The following ELAPOR1 variants were observed in gnomAD, a reference collection of about 807,000 sequenced individuals.
The protein encoded by ELAPOR1 is endosome/lysosome-associated apoptosis and autophagy regulator 1.
ELAPOR1 carries 77 observed loss-of-function variants against 119.7 expected under a neutral mutation model. The ratio of observed to expected loss-of-function variants is 0.64; its 90% confidence interval spans 0.54 to 0.78. ELAPOR1 has a LOEUF of 0.78. ELAPOR1 is among the 30% of genes least tolerant of loss of function. The pLI, the probability that ELAPOR1 is intolerant of heterozygous loss-of-function variation, is 0.00. For synonymous variants in ELAPOR1, 481 were observed against 487.2 expected, an observed-to-expected ratio of 0.99 and a Z score of 0.17; for missense variants, 1,115 against 1,270.4, an observed-to-expected ratio of 0.88 and a Z score of 1.86.
At chr1:109,158,891 CTTT>C (rs543781555) in intron 1 of ELAPOR1, among the ~76,000 whole-genome samples, 6 of 128,720 alleles carry the variant, frequency 4.7e-5, no homozygotes, top group Non-Finnish European at 5.0e-5. Flanking sequence ...AAGCTTATGT[CTTT>C]TTTTTTTTTT....
chr1:109,165,248 C>T (rs901575759), intron 3 of ELAPOR1, among the ~76,000 whole-genome samples: 5 of 152,040 alleles, frequency 3.3e-5, no homozygotes, highest in African/African-American at 9.7e-5. Context: ...GCTATGACCG[C>T]ACCACTGTAC....
intron 1 of ELAPOR1, among the ~76,000 whole-genome samples, chr1:109,139,986 C>T (rs550438043): frequency 2.0e-5 from 3 of 152,190 alleles, no homozygotes; most frequent in East Asian, 1.9e-4. Flanking sequence ...TGGTCTCGAA[C>T]TCCTGAGCTC....
At chr1:109,136,859 C>T (rs1033770682) in intron 1 of ELAPOR1, among the ~76,000 whole-genome samples, 2 of 152,194 alleles carry the variant, frequency 1.3e-5, no homozygotes, top group African/African-American at 4.8e-5. Flanking sequence ...GTCACAGACA[C>T]ACGTGAGTCA....
At chr1:109,201,000 C>T (rs3736956) in intron 21 of ELAPOR1, 100 bp downstream of exon 21, 577,754 of 1,128,132 alleles carry the variant, frequency 0.51, 154,414 homozygotes, top group Non-Finnish European at 0.55. Flanking sequence ...GGATGGGCAC[C>T]CTGCTCCCCA....
Position 109,189,690 on chromosome 1 carries a change from A to G in ELAPOR1, c.1439+8A>G. 6.2e-7 allele frequency: 1 copy of G among 1,612,200 alleles called. No homozygotes were observed. Among genetic ancestry groups the G allele is most frequent in the East Asian group, 2.2e-5 (1 of 44,874 alleles). On this transcript the variant is annotated splice_region_variant and intron_variant, in intron 11 of 21. Transcript: ENST00000369939. Reference sequence around the variant, plus strand: ...GGTTGTGCCAGGATTTAGGTGAGGAATCCAAAGCCCAGGGGAGTCCAGGCC... The same window carrying G: ...GGTTGTGCCAGGATTTAGGTGAGGAGTCCAAAGCCCAGGGGAGTCCAGGCC...
At chr1:109,145,093 T>C (rs1558030029) in intron 1 of ELAPOR1, among the ~76,000 whole-genome samples, 1 of 152,092 alleles carries the variant, frequency 6.6e-6, no homozygotes, top group African/African-American at 2.4e-5. Context: ...TAAGAGGTGA[T>C]TAGGCCGAGT....
chr1:109,183,586 T>TTCCCTCCCTCCC (rs1652865545), intron 7 of ELAPOR1, among the ~76,000 whole-genome samples: 1 of 12,172 alleles, frequency 8.2e-5, no homozygotes, highest in African/African-American at 1.5e-4. Context: ...CCTTCCTTCC[T>TTCCCTCCCTCCC]TCCTTCCTTC....
chr1:109,141,080 G>C (rs1479630584), intron 1 of ELAPOR1, among the ~76,000 whole-genome samples: 1 of 152,108 alleles, frequency 6.6e-6, no homozygotes, highest in East Asian at 1.9e-4. Flanking sequence ...TCGAACTCCT[G>C]ATCTCAGGCA....
intron 1 of ELAPOR1, among the ~76,000 whole-genome samples, chr1:109,137,506 AATTT>A (rs1209702925): frequency 6.7e-6 from 1 of 148,282 alleles, no homozygotes; most frequent in South Asian, 2.1e-4. Context: ...ACCCGACCTA[AATTT>A]ATTTATTTAT....
chr1:109,166,192 G>A (rs1330136529), intron 3 of ELAPOR1, among the ~76,000 whole-genome samples: 1 of 152,012 alleles, frequency 6.6e-6, no homozygotes, highest in African/African-American at 2.4e-5. Context: ...TGGGATTACA[G>A]CGTGAGCCAC....
At chr1:109,140,299 A>C (rs1399248649) in intron 1 of ELAPOR1, among the ~76,000 whole-genome samples, 1 of 152,128 alleles carries the variant, frequency 6.6e-6, no homozygotes, top group Non-Finnish European at 1.5e-5. Flanking sequence ...TTTTTAGTTG[A>C]ATTACTTTGA....
intron 1 of ELAPOR1, among the ~76,000 whole-genome samples, chr1:109,154,620 C>A (rs1650756697): frequency 6.6e-6 from 1 of 152,186 alleles, no homozygotes; most frequent in African/African-American, 2.4e-5. Context: ...CTGGGCCATC[C>A]GTTGCAGTCA....
At chr1:109,180,049 G>A (rs1652600569) in intron 7 of ELAPOR1, among the ~76,000 whole-genome samples, 3 of 152,200 alleles carry the variant, frequency 2.0e-5, no homozygotes, top group African/African-American at 7.2e-5. Flanking sequence ...TGATGTCCAG[G>A]ACCTAAACTA....
rs535825471 is a variant in ELAPOR1, at chr1:109,126,318, C to T, written c.153+11982C>T. On this transcript the variant is annotated intron_variant, in intron 1 of 21. Coordinates refer to ENST00000369939, the MANE Select transcript of ELAPOR1 (RefSeq NM_020775.5). ...TGTGGCTGAACCACATAAACTTACA[C>T]TTGTAAAATAAAAAAGTGCAAGGCC... is the stretch of plus-strand genomic sequence containing the variant. Among the ~76,000 whole-genome samples the T allele has an allele frequency of 2.0e-5, 3 of 152,204 alleles. No individual in the cohort carries two copies. In the East Asian group the frequency reaches 5.8e-4, roughly 29 times the overall value.
At chr1:109,142,199 A>G (rs1436204024) in intron 1 of ELAPOR1, among the ~76,000 whole-genome samples, 1 of 152,190 alleles carries the variant, frequency 6.6e-6, no homozygotes, top group African/African-American at 2.4e-5. Flanking sequence ...GAAAGAAAAA[A>G]AGAAAAATTA....
At chr1:109,165,247 G>T (rs1052648010) in intron 3 of ELAPOR1, among the ~76,000 whole-genome samples, 1 of 152,016 alleles carries the variant, frequency 6.6e-6, no homozygotes, top group Non-Finnish European at 1.5e-5. Flanking sequence ...AGCTATGACC[G>T]CACCACTGTA....
Position 109,144,063 on chromosome 1 carries a change from T to A in ELAPOR1, c.154-17831T>A, listed in dbSNP as rs867747858. Among the ~76,000 whole-genome samples, 725 of 81,044 alleles carry A rather than the reference T, an allele frequency of 8.9e-3. 37 individuals carry two copies. Among genetic ancestry groups the A allele is most frequent in the African/African-American group, 0.019 (353 of 18,494 alleles). 53.2% of individuals were successfully genotyped at this position (81,044 alleles called of 152,430 possible). A position where few individuals can be genotyped will look rare whatever the true frequency, so the allele number is the denominator to read the frequency against. On this transcript the variant is annotated intron_variant, in intron 1 of 21. Transcript: ENST00000369939. Reference sequence around the variant, plus strand: ...TATATATATATATATATTTATATATTTTTTTTTTTTTTTGAGATGGAGTTT... The same window carrying A: ...TATATATATATATATATTTATATATATTTTTTTTTTTTTGAGATGGAGTTT...
chr1:109,173,723 C>G lies in ELAPOR1; in HGVS notation c.838C>G (p.Pro280Ala). ...CACTTCAGAATGCTTCCCCTGCAAA[C>G]CTGGCACGTATGCAGACAAGCAGGG... is the stretch of plus-strand genomic sequence containing the variant. ...AYTSECFPCK[P>A]GTYADKQGSS... Residue 280 changes from proline to alanine, a missense_variant, in exon 7 of 22, where the codon CCT becomes GCT. By Grantham distance (27) the Pro-to-Ala change is conservative. Coordinates refer to ENST00000369939, the MANE Select transcript of ELAPOR1 (RefSeq NM_020775.5). 1.2e-6 allele frequency: 2 copies of G among 1,614,164 alleles called. No homozygotes were observed. Among genetic ancestry groups the G allele is most frequent in the African/African-American group, 2.7e-5 (2 of 75,034 alleles).
chr1:109,201,017 A>T, intron 21 of ELAPOR1, 117 bp downstream of exon 21: 1 of 910,076 alleles, frequency 1.1e-6, no homozygotes, highest in South Asian at 1.7e-5. Context: ...CCCACGCCCG[A>T]TACAATTCCA....
Sources: allele counts gnomAD v4.1 joint callset (sites outside exome capture counted in the v4.1 genomes callset), GRCh38; gene constraint gnomAD v4.1.1; transcripts MANE v1.5; gene names NCBI Gene and HGNC (gene_info 2026-07-23, HGNC 2026-07-21).